ARAP1: variants seen among roughly 807,000 people sequenced by gnomAD.
The protein encoded by ARAP1 is ArfGAP with RhoGAP domain, ankyrin repeat and PH domain 1.
A neutral mutation model predicts 172.2 loss-of-function variants in ARAP1; 76 were observed. The observed-to-expected ratio is 0.44, with a 90% CI of 0.37 to 0.53. ARAP1 has a LOEUF of 0.53. Among genes scored for constraint, ARAP1 ranks in the 20% least tolerant of loss-of-function variants. The pLI, the probability that ARAP1 is intolerant of heterozygous loss-of-function variation, is 0.00. For synonymous variants in ARAP1, 804 were observed against 803.3 expected, an observed-to-expected ratio of 1.00 and a Z score of -0.01; for missense variants, 1,686 against 1,977.5, an observed-to-expected ratio of 0.85 and a Z score of 2.80.
chr11:72,705,699 G>C, intron 13 of ARAP1, 106 bp downstream of exon 13: 1 of 1,226,798 alleles, frequency 8.2e-7, no homozygotes, highest in Non-Finnish European at 1.1e-6. Context: ...GTCTCTTCCA[G>C]CTCCAAGGTG....
At chr11:72,721,673 A>G (rs1857516544) in intron 3 of ARAP1, among the ~76,000 whole-genome samples, 1 of 152,180 alleles carries the variant, frequency 6.6e-6, no homozygotes, top group Non-Finnish European at 1.5e-5. Flanking sequence ...AGGCAGGGGA[A>G]AAAGAGAAGA....
In ARAP1 at chr11:72,741,512, G is replaced by A. The variant is rs1858198717; in HGVS notation, c.-127-8915C>T. On this transcript the variant is annotated intron_variant, in intron 1 of 34. Coordinates refer to ENST00000393609, the MANE Select transcript of ARAP1 (RefSeq NM_001040118.3). The surrounding 1 kb of genome is among the most constrained non-coding windows in gnomAD (Gnocchi z 4.5). ...GGCACAGACACACTCTACAGGGGCT[G>A]GGGACTTCCTGTGGCAACTCCTCCC... 6.6e-6 allele frequency among the ~76,000 whole-genome samples: 1 copy of A among 152,142 alleles called. No homozygotes were observed. The highest frequency in any genetic ancestry group is 1.5e-5 in the Non-Finnish European group (1 of 68,014).
At position 72,709,971 on chromosome 11, in the gene ARAP1, G is replaced by A. The variant is rs1591203706; in HGVS notation, c.1422C>T (p.Tyr474=). The change falls in exon 11 of 35, where the codon TAC becomes TAT. Residue 474 remains tyrosine, a synonymous_variant. Transcript: ENST00000393609. ...TGAAGGTGATGCCAATGCCCAGGTG[G>A]TACTCCTGGAGGGCAGATGGGACGG... ...KVQLYKNLEE[Y]HLGIGITFID... The A allele has an allele frequency of 1.9e-6, 3 of 1,613,556 alleles. No homozygotes were observed. The highest frequency in any genetic ancestry group is 2.2e-5 in the South Asian group (2 of 91,070).
intron 12 of ARAP1, among the ~76,000 whole-genome samples, chr11:72,706,129 C>T (rs1401730705): frequency 6.6e-6 from 1 of 152,186 alleles, no homozygotes; most frequent in Admixed American, 6.5e-5. Flanking sequence ...CCCCCTGGAA[C>T]CATGCTTGGC....
At position 72,698,115 on chromosome 11, in the gene ARAP1, G is replaced by A. The variant is rs772798022; in HGVS notation, c.2542-9C>T. ...AGGGGAGGCACGAATGCCTGGCAGA[G>A]AGGCGCCGGGGGAGACAGCATCAGC... On this transcript the variant is annotated splice_polypyrimidine_tract_variant and intron_variant, in intron 18 of 34. Transcript: ENST00000393609. 6.3e-7 allele frequency: 1 copy of A among 1,580,100 alleles called. No individual in the cohort carries two copies. The highest frequency in any genetic ancestry group is 8.6e-7 in the Non-Finnish European group (1 of 1,163,496).
chr11:72,712,177 C>T lies in ARAP1; in HGVS notation c.1022+19G>A, dbSNP rs760268094. On this transcript the variant is annotated intron_variant, in intron 7 of 34. Coordinates refer to ENST00000393609, the MANE Select transcript of ARAP1 (RefSeq NM_001040118.3). ...CCCCCCCATGCAGAGCACAGCAGGACCCAAGAGGCCTCACTCACCCCTGCG... is the reference window on the plus strand; with the variant it reads ...CCCCCCCATGCAGAGCACAGCAGGATCCAAGAGGCCTCACTCACCCCTGCG... 2 of 1,580,998 alleles carry T rather than the reference C, an allele frequency of 1.3e-6. No homozygotes were observed. The highest frequency in any genetic ancestry group is 2.2e-5 in the East Asian group (1 of 44,528).
chr11:72,717,115 C>T (rs1031846247), intron 3 of ARAP1, among the ~76,000 whole-genome samples: 4 of 152,114 alleles, frequency 2.6e-5, no homozygotes, highest in Admixed American at 6.5e-5. Flanking sequence ...AAGGGGTGAA[C>T]GATGACCAAG....
rs776959225 is a variant in ARAP1 at position 72,697,346 on chromosome 11, C to T, written c.2930G>A (p.Cys977Tyr). Residue 977 changes from cysteine to tyrosine, a missense_variant, in exon 21 of 35, where the codon TGT (cysteine) becomes TAT (tyrosine). Transcript: ENST00000393609. ...DSDIPVIVYR[C>Y]VDYITQCGLT... ...ACCGCACTGCGTGATGTAGTCCACA[C>T]AGCGGTACACGATCACCGGGATATC... 6.3e-7 allele frequency: 1 copy of T among 1,597,536 alleles called. No homozygotes were observed. Among genetic ancestry groups the T allele is most frequent in the Non-Finnish European group, 8.5e-7 (1 of 1,172,396 alleles).
At chr11:72,727,640 C>G (rs552865953) in intron 2 of ARAP1, among the ~76,000 whole-genome samples, 2 of 152,340 alleles carry the variant, frequency 1.3e-5, no homozygotes, top group South Asian at 4.1e-4. Flanking sequence ...GATACCACTG[C>G]TGGTCCCTCC....
chr11:72,697,662 T>C lies in ARAP1; in HGVS notation c.2738-13A>G. On this transcript the variant is annotated splice_polypyrimidine_tract_variant and intron_variant, in intron 19 of 34. Coordinates refer to ENST00000393609, the MANE Select transcript of ARAP1 (RefSeq NM_001040118.3). ...TCCCCCTGGATGGCTGTGGAGGGGT[T>C]AGTCAAGGTGAGGCCCAGGTCTTGC... The C allele has an allele frequency of 6.2e-7, 1 of 1,613,976 alleles. No individual in the cohort carries two copies. The highest frequency in any genetic ancestry group is 8.5e-7 in the Non-Finnish European group (1 of 1,179,916).
rs913105721 is a variant in ARAP1 at position 72,712,256 on chromosome 11, C to A, written c.962G>T (p.Gly321Val). ...APHPMDGPPGGSTPVTPVIKA... is the reference protein window; with the variant it reads ...APHPMDGPPGVSTPVTPVIKA... The stretch of plus-strand genomic sequence containing the variant: ...GATGACTGGTGTGACGGGGGTGGAG[C>A]CCCCAGGCGGCCCGTCCATGGGGTG... Residue 321 changes from glycine (G) to valine (V), a missense_variant, in exon 7 of 35, where the codon GGC becomes GTC. Gly to Val is a moderately radical substitution (Grantham distance 109, BLOSUM62 -3). This residue lies in a region of ARAP1 where 688 missense variants were observed against 856.9 expected (regional missense o/e 0.80). Transcript: ENST00000393609. 1 of 1,604,518 alleles carries A rather than the reference C, an allele frequency of 6.2e-7. No homozygotes were observed. The highest frequency in any genetic ancestry group is 8.5e-7 in the Non-Finnish European group (1 of 1,175,418).
Position 72,693,270 on chromosome 11 carries a change from C to A in ARAP1, c.3954+55G>T. On this transcript the variant is annotated intron_variant, in intron 29 of 34. Coordinates refer to ENST00000393609, the MANE Select transcript of ARAP1 (RefSeq NM_001040118.3). The surrounding 1 kb of genome is among the most constrained non-coding windows in gnomAD (Gnocchi z 4.6). ...TTGCAGACCAAGGGGAATCTCTGAG[C>A]ACATTCAGGTGTACAGGTGCCCACC... 1 of 1,583,956 alleles carries A rather than the reference C, an allele frequency of 6.3e-7. No individual in the cohort carries two copies. Among genetic ancestry groups the A allele is most frequent in the Admixed American group, 1.8e-5 (1 of 56,414 alleles).
intron 1 of ARAP1, among the ~76,000 whole-genome samples, chr11:72,748,728 T>C (rs1308473332): frequency 6.6e-6 from 1 of 152,162 alleles, no homozygotes; most frequent in Non-Finnish European, 1.5e-5. Context: ...CCCCACCATC[T>C]TTCACATCTG....
At chr11:72,746,984 G>A (rs1225035826) in intron 1 of ARAP1, among the ~76,000 whole-genome samples, 1 of 152,184 alleles carries the variant, frequency 6.6e-6, no homozygotes, top group Non-Finnish European at 1.5e-5. Context: ...TAGGAAAGCT[G>A]GCAGGGGAGA....
At chr11:72,724,399 G>A (rs1245940129) in intron 3 of ARAP1, among the ~76,000 whole-genome samples, 1 of 152,118 alleles carries the variant, frequency 6.6e-6, no homozygotes, top group Non-Finnish European at 1.5e-5. Context: ...GCAAGCAGGG[G>A]TAGGAAGGCC....
chr11:72,713,022 C>A lies in ARAP1; in HGVS notation c.747+154G>T, dbSNP rs144343904. On this transcript the variant is annotated intron_variant, in intron 5 of 34. Coordinates refer to ENST00000393609, the MANE Select transcript of ARAP1 (RefSeq NM_001040118.3). Reference sequence around the variant, plus strand: ...AGAGCGCTGTGGCTACACGTGACTCCTGACCCCCGTATGGCAAGAGAGTGA... The same window carrying A: ...AGAGCGCTGTGGCTACACGTGACTCATGACCCCCGTATGGCAAGAGAGTGA... The A allele has an allele frequency of 1.2e-3, 992 of 807,478 alleles. 12 individuals are homozygous for A. The African/African-American group carries it at 0.016, about 13-fold the overall frequency. The allele number at this position is 807,478 out of a possible 1,614,324, so 50.0% of individuals were successfully genotyped here. A position where few individuals can be genotyped will look rare whatever the true frequency, so the allele number is the denominator to read the frequency against.
At chr11:72,722,274 G>A in intron 3 of ARAP1, 2 of 985,602 alleles carry the variant, frequency 2.0e-6, no homozygotes, top group Non-Finnish European at 2.4e-6. Context: ...TGGTCTCCCG[G>A]AGGCTTCCTG....
intron 3 of ARAP1, among the ~76,000 whole-genome samples, chr11:72,716,994 C>T (rs1010210869): frequency 2.6e-5 from 4 of 152,178 alleles, no homozygotes; most frequent in Admixed American, 6.5e-5. Context: ...TGACCTGAGT[C>T]CCTTTGGGGC....
chr11:72,687,681 C>G lies in ARAP1; in HGVS notation c.4121+7G>C. On this transcript the variant is annotated splice_region_variant and intron_variant, in intron 32 of 34. Transcript: ENST00000393609. ...GCCTGGGATCTCAGGATGAGGCGCTCACTCACCACTGCTGCTTCTCATGTT... is the reference window on the plus strand; with the variant it reads ...GCCTGGGATCTCAGGATGAGGCGCTGACTCACCACTGCTGCTTCTCATGTT... The G allele has an allele frequency of 6.2e-7, 1 of 1,614,190 alleles. No homozygotes were observed. Among genetic ancestry groups the G allele is most frequent in the Non-Finnish European group, 8.5e-7 (1 of 1,180,036 alleles).
Sources: gnomAD v4.1 joint callset for allele counts (sites outside exome capture counted in the v4.1 genomes callset) on GRCh38, gnomAD v4.1.1 for gene constraint, gnomAD v4.1.1 regional missense constraint, Gnocchi (gnomAD v3.1) non-coding constraint, MANE v1.5 for transcripts, NCBI Gene and HGNC (gene_info 2026-07-23, HGNC 2026-07-21) for gene names.